The following DZANK1 variants were observed in gnomAD, a reference collection of about 807,000 sequenced individuals.
The protein encoded by DZANK1 is double zinc ribbon and ankyrin repeat domains 1.
In DZANK1, 91 loss-of-function variants were observed where a neutral mutation model predicts 94.5. The ratio of observed to expected loss-of-function variants is 0.96; its 90% CI spans 0.81 to 1.15. DZANK1 has a LOEUF of 1.15. Among genes scored for constraint, DZANK1 ranks in the 50% most tolerant of loss-of-function variants. DZANK1 has a pLI of 0.00. For missense variants in DZANK1, 903 were observed against 916.4 expected (o/e 0.99, Z 0.19); for synonymous variants, 312 against 325.3 (o/e 0.96, Z 0.44).
chr20:18,443,758 G>A (rs771532669), intron 7 of DZANK1, among the ~76,000 whole-genome samples: 4 of 152,200 alleles, frequency 2.6e-5, no homozygotes, highest in Admixed American at 6.5e-5. Flanking sequence ...CTTCTTGCTC[G>A]GGCTCTGGCT....
chr20:18,459,413 G>C (rs1027026779), intron 3 of DZANK1, among the ~76,000 whole-genome samples: 1 of 152,138 alleles, frequency 6.6e-6, no homozygotes, highest in Non-Finnish European at 1.5e-5. Context: ...TCAGTGGGGG[G>C]TGGGGCTAGA....
intron 16 of DZANK1, 39 bp downstream of exon 16, chr20:18,394,215 G>A (rs1265849865): frequency 4.5e-6 from 7 of 1,565,434 alleles, no homozygotes; most frequent in African/African-American, 4.1e-5. Context: ...ATGTGTTCCT[G>A]GTCAGTTGTT....
In DZANK1 at chr20:18,441,174, T is replaced by C. The variant is rs142002604; in HGVS notation, c.747+2173A>G. Among the ~76,000 whole-genome samples, 368 of 152,300 alleles carry C rather than the reference T, an allele frequency of 2.4e-3. 6 individuals carry two copies. The highest frequency in any genetic ancestry group is 0.02 in the Admixed American group (310 of 15,292). On this transcript the variant is annotated intron_variant, in intron 8 of 20. Transcript: ENST00000262547. This position sits in a 1 kb window ranked among gnomAD's most constrained non-coding sequence, Gnocchi z 4.1. ...GCAGCAGTTACTTGGCCATTCAAGA[T>C]ACTTGCTTCAATTGGCACGTCATCA...
At chr20:18,433,086 T>C (rs1406648931) in intron 9 of DZANK1, 2 of 151,072 alleles carry the variant, frequency 1.3e-5, no homozygotes, top group South Asian at 2.1e-4. Flanking sequence ...AAAAATTGTC[T>C]TTGTTAGCTG....
exon 14 of DZANK1, chr20:18,398,590 T>G: frequency 6.2e-7 from 1 of 1,613,944 alleles, no homozygotes; most frequent in South Asian, 1.1e-5. Context: ...ACACCTGAGG[T>G]GAGCAGAGAT....
At chr20:18,457,879 T>C (rs1008544034) in intron 3 of DZANK1, among the ~76,000 whole-genome samples, 5 of 152,122 alleles carry the variant, frequency 3.3e-5, no homozygotes, top group Non-Finnish European at 7.4e-5. Flanking sequence ...AAAACAGATA[T>C]TGGGGGACAT....
At chr20:18,428,258 A>G (rs2058138083) in intron 9 of DZANK1, among the ~76,000 whole-genome samples, 1 of 150,818 alleles carries the variant, frequency 6.6e-6, no homozygotes, top group Non-Finnish European at 1.5e-5. Flanking sequence ...GCGAGATCTC[A>G]GCTCACTGCA....
intron 7 of DZANK1, among the ~76,000 whole-genome samples, chr20:18,444,818 A>T (rs1192575911): frequency 1.3e-5 from 2 of 152,074 alleles, no homozygotes; most frequent in Non-Finnish European, 2.9e-5. Flanking sequence ...TTATTTATTT[A>T]GAGACGGAGT....
Position 18,384,573 on chromosome 20 carries a change from G to A in DZANK1, c.2094-9C>T, listed in dbSNP as rs771405173. ...GGATGCTTGCATTGCATCTGCAAAG[G>A]AAATGGAGAAACGGAGGTGCACTGA... is the stretch of plus-strand genomic sequence containing the variant. On this transcript the variant is annotated splice_polypyrimidine_tract_variant and intron_variant, in intron 20 of 20. Transcript: ENST00000262547. 2 of 1,589,800 alleles carry A rather than the reference G, an allele frequency of 1.3e-6. No individual in the cohort carries two copies. Among genetic ancestry groups the A allele is most frequent in the Non-Finnish European group, 1.7e-6 (2 of 1,167,786 alleles).
intron 13 of DZANK1, among the ~76,000 whole-genome samples, chr20:18,409,582 A>C (rs1207270781): frequency 2.1e-5 from 3 of 144,358 alleles, no homozygotes; most frequent in Admixed American, 7.0e-5. Context: ...ACACACACAC[A>C]CCACCACCAC....
At chr20:18,401,169 T>C (rs1161506006) in intron 13 of DZANK1, among the ~76,000 whole-genome samples, 4 of 152,170 alleles carry the variant, frequency 2.6e-5, no homozygotes. Flanking sequence ...ACTCCTGACC[T>C]CAGGTGATCT....
At position 18,419,899 on chromosome 20, in the gene DZANK1, A is replaced by AC. The variant is rs1555868640; in HGVS notation, c.955-4451_955-4450insG. ...AATATTGGTGTAAATACAAAAAAAA[A>AC]AACAAACAGCTTTATCTTTTTGGTT... On this transcript the variant is annotated intron_variant, in intron 10 of 20. Transcript: ENST00000262547. Among the ~76,000 whole-genome samples the AC allele has an allele frequency of 2.6e-5, 4 of 151,882 alleles. No individual in the cohort carries two copies. The East Asian group carries it at 7.8e-4, about 29-fold the overall frequency.
At chr20:18,435,031 A>G (rs2058462113) in intron 8 of DZANK1, among the ~76,000 whole-genome samples, 1 of 152,226 alleles carries the variant, frequency 6.6e-6, no homozygotes, top group Non-Finnish European at 1.5e-5. Context: ...CACATAAGCA[A>G]CATAAACCAG....
At chr20:18,420,057 A>T (rs2057703941) in intron 10 of DZANK1, 1 of 152,288 alleles carries the variant, frequency 6.6e-6, no homozygotes, top group African/African-American at 2.4e-5. Flanking sequence ...TGCCCCAAAT[A>T]GGACCCCAAA....
exon 11 of DZANK1, chr20:18,415,421 G>A: frequency 6.3e-7 from 1 of 1,584,040 alleles, no homozygotes; most frequent in Non-Finnish European, 8.6e-7. Context: ...AGTGGGCGGA[G>A]GAGGGGCTTT....
At chr20:18,458,744 C>T (rs1484531181) in intron 3 of DZANK1, among the ~76,000 whole-genome samples, 1 of 152,136 alleles carries the variant, frequency 6.6e-6, no homozygotes, top group Admixed American at 6.5e-5. Context: ...TCTTGATGCT[C>T]CCAGAACGCA....
rs542575764 is a variant in DZANK1, at chr20:18,385,578, G to T, written c.2019-488C>A. 1.4e-3 allele frequency among the ~76,000 whole-genome samples: 210 copies of T among 152,148 alleles called. 3 individuals carry two copies. In the South Asian group the frequency reaches 0.042, roughly 31 times the overall value. The stretch of plus-strand genomic sequence containing the variant: ...TTACAGGCACATGCCACCATGCCTG[G>T]CTAATTTTTTTGTATTTTTAATAGA... On this transcript the variant is annotated intron_variant, in intron 19 of 20. Transcript: ENST00000262547.
At chr20:18,398,380 A>G in intron 14 of DZANK1, 143 bp downstream of exon 14, 1 of 711,746 alleles carries the variant, frequency 1.4e-6, no homozygotes, top group Non-Finnish European at 2.4e-6. Flanking sequence ...AGAGCTCACA[A>G]GGCAGAAGAG....
At chr20:18,415,804 G>A (rs6035039) in intron 10 of DZANK1, among the ~76,000 whole-genome samples, 42,090 of 152,046 alleles carry the variant, frequency 0.28, 6,087 homozygotes, top group South Asian at 0.35. Context: ...CTACCTGAGC[G>A]GTCATGATTG....
Sources: allele counts gnomAD v4.1 joint callset (sites outside exome capture counted in the v4.1 genomes callset), GRCh38; gene constraint gnomAD v4.1.1; non-coding constraint Gnocchi (gnomAD v3.1); transcripts MANE v1.5; gene names NCBI Gene and HGNC (gene_info 2026-07-23, HGNC 2026-07-21).